Variants in CLRN1 observed in about 807,000 individuals in gnomAD.
CLRN1 encodes clarin-1.
CLRN1 carries 15 observed loss-of-function variants against 18.7 expected under a neutral mutation model. That is an observed-to-expected ratio of 0.80 (90% CI 0.54 to 1.23). The LOEUF (loss-of-function observed/expected upper bound fraction) is 1.23. Ranked by LOEUF, CLRN1 falls within the 50% of genes most tolerant of loss-of-function variation. The pLI is 0.00. For synonymous variants in CLRN1, 104 were observed against 102.9 expected, an observed-to-expected ratio of 1.01 and a Z score of -0.07; for missense variants, 311 against 277.5, an observed-to-expected ratio of 1.12 and a Z score of -0.86.
intron 1 of CLRN1, among the ~76,000 whole-genome samples, chr3:150,955,389 G>A (rs1370690300): frequency 1.3e-5 from 2 of 152,130 alleles, no homozygotes; most frequent in African/African-American, 4.8e-5. Context: ...TTTACTGTAC[G>A]TAAATTATGC....
Position 150,927,403 on chromosome 3 carries a change from G to C in CLRN1, c.*533C>G, listed in dbSNP as rs1026657798. 1 of 448,088 alleles carries C rather than the reference G, an allele frequency of 2.2e-6. No homozygotes were observed. The highest frequency in any genetic ancestry group is 4.5e-6 in the Non-Finnish European group (1 of 223,862). The allele number at this position is 448,088 out of a possible 1,614,324, so 27.8% of individuals were successfully genotyped here. ...GCCTCCTGAAGTGCTGGAATTACAG[G>C]TGTGAGTCACCACGCCTGGCCTAAG... On this transcript the variant is annotated 3_prime_UTR_variant, in exon 3 of 3. Transcript: ENST00000327047.
chr3:150,969,752 C>G (rs1386971432), intron 1 of CLRN1, among the ~76,000 whole-genome samples: 2 of 151,866 alleles, frequency 1.3e-5, no homozygotes, highest in Non-Finnish European at 1.5e-5. Context: ...CATGACAACA[C>G]AAAGAAAACT....
intron 2 of CLRN1, among the ~76,000 whole-genome samples, chr3:150,934,636 C>T (rs1324980316): frequency 6.6e-6 from 1 of 152,158 alleles, no homozygotes; most frequent in African/African-American, 2.4e-5. Flanking sequence ...CTCCCTTTTA[C>T]ATGCAGATCT....
chr3:150,945,799 G>T, intron 1 of CLRN1: 1 of 463,870 alleles, frequency 2.2e-6, no homozygotes, highest in South Asian at 2.5e-5. Context: ...GGGAAATGGG[G>T]ACCCTTGTGC....
chr3:150,939,145 C>T (rs954180225), intron 2 of CLRN1, among the ~76,000 whole-genome samples: 4 of 152,194 alleles, frequency 2.6e-5, no homozygotes, highest in African/African-American at 9.7e-5. Flanking sequence ...CTAGTTCTGC[C>T]TTTTCAGCTG....
intron 1 of CLRN1, chr3:150,942,512 C>A (rs947059031): frequency 2.5e-5 from 10 of 400,212 alleles, no homozygotes; most frequent in Admixed American, 1.8e-4. Context: ...TTTAGTTCCC[C>A]AAACATGTAT....
intron 1 of CLRN1, among the ~76,000 whole-genome samples, chr3:150,963,700 C>T (rs540343098): frequency 6.6e-6 from 1 of 152,316 alleles, no homozygotes; most frequent in Admixed American, 6.5e-5. Context: ...CAGCATGGTA[C>T]TTGTATCAAA....
chr3:150,934,135 T>A (rs909574724), intron 2 of CLRN1, among the ~76,000 whole-genome samples: 1 of 152,160 alleles, frequency 6.6e-6, no homozygotes, highest in African/African-American at 2.4e-5. Context: ...TACAGAATAA[T>A]GTGCCCCAGA....
At chr3:150,972,073 G>T (rs539931789) in intron 1 of CLRN1, among the ~76,000 whole-genome samples, 1 of 152,204 alleles carries the variant, frequency 6.6e-6, no homozygotes, top group South Asian at 2.1e-4. Context: ...TAAATACGGA[G>T]CCCATGACCT....
intron 1 of CLRN1, among the ~76,000 whole-genome samples, chr3:150,956,042 T>C (rs996955440): frequency 1.6e-4 from 25 of 152,254 alleles, no homozygotes; most frequent in African/African-American, 6.0e-4. Context: ...TTATACATAT[T>C]GTCTTCATAA....
intron 2 of CLRN1, among the ~76,000 whole-genome samples, chr3:150,929,786 A>C (rs1421043356): frequency 6.6e-6 from 1 of 152,236 alleles, no homozygotes; most frequent in Admixed American, 6.5e-5. Context: ...TCAAATCCTC[A>C]GCCCACCCCA....
intron 2 of CLRN1, among the ~76,000 whole-genome samples, chr3:150,939,753 C>T (rs1713702518): frequency 6.6e-6 from 1 of 152,212 alleles, no homozygotes; most frequent in Non-Finnish European, 1.5e-5. Context: ...TAAAACAGCA[C>T]ACCACCCGGA....
At chr3:150,971,820 G>C (rs529024913) in intron 1 of CLRN1, among the ~76,000 whole-genome samples, 1 of 152,236 alleles carries the variant, frequency 6.6e-6, no homozygotes, top group East Asian at 1.9e-4. Flanking sequence ...ATCACAACAA[G>C]AAAATCTCTC....
intron 2 of CLRN1, among the ~76,000 whole-genome samples, chr3:150,934,223 A>C (rs1470839917): frequency 6.6e-6 from 1 of 152,054 alleles, no homozygotes; most frequent in African/African-American, 2.4e-5. Context: ...ACTGTTCTTT[A>C]TTTTATTGTC....
At position 150,947,838 on chromosome 3, in the gene CLRN1, G is replaced by GT. The variant is rs1457465486; in HGVS notation, c.254-6078dup. Among the ~76,000 whole-genome samples, 3 of 152,160 alleles carry GT rather than the reference G, an allele frequency of 2.0e-5. No homozygotes were observed. The South Asian group carries it at 6.2e-4, about 32-fold the overall frequency. On this transcript the variant is annotated intron_variant, in intron 1 of 2. Coordinates refer to ENST00000327047, the MANE Select transcript of CLRN1 (RefSeq NM_174878.3). ...ATTAAATTAAGACAGAAATCAAGAA[G>GT]TTTTTTCAAACTAATGAGAACAAAG...
At position 150,941,774 on chromosome 3, in the gene CLRN1, C is replaced by G. The variant is rs1354238059; in HGVS notation, c.254-13G>C. ...AAATCTGGAAAAACTGAAGATAAGA[C>G]AAAACTAGGGTTAGAAGAAGTTTCA... On this transcript the variant is annotated splice_polypyrimidine_tract_variant and intron_variant, in intron 1 of 2. Transcript: ENST00000327047. 5.6e-6 allele frequency: 9 copies of G among 1,612,720 alleles called. No homozygotes were observed. The highest frequency in any genetic ancestry group is 1.3e-5 in the African/African-American group (1 of 74,846).
chr3:150,945,393 C>A (rs1714110059), intron 1 of CLRN1: 1 of 666,422 alleles, frequency 1.5e-6, no homozygotes, highest in Non-Finnish European at 2.1e-6. Flanking sequence ...GTCATCTGTA[C>A]AAATGCATGC....
chr3:150,948,636 A>ACACCTTC (rs1714316252), intron 1 of CLRN1, among the ~76,000 whole-genome samples: 1 of 152,040 alleles, frequency 6.6e-6, no homozygotes, highest in South Asian at 2.1e-4. Flanking sequence ...CTGGATACAT[A>ACACCTTC]CACCTTCCCA....
intron 1 of CLRN1, chr3:150,943,995 C>T (rs1369117466): frequency 1.1e-5 from 14 of 1,237,200 alleles, no homozygotes; most frequent in Non-Finnish European, 1.6e-5. Context: ...AAATAGCCTG[C>T]ATCAACAACA....
Sources: allele counts gnomAD v4.1 joint callset (sites outside exome capture counted in the v4.1 genomes callset), GRCh38; gene constraint gnomAD v4.1.1; transcripts MANE v1.5; gene names NCBI Gene and HGNC (gene_info 2026-07-23, HGNC 2026-07-21).